Variants in PLEKHB2 observed in about 807,000 individuals in gnomAD.
PLEKHB2 encodes the protein pleckstrin homology domain containing B2.
Under a neutral mutation model 36.5 loss-of-function variants are expected in PLEKHB2, and 31 were observed. The ratio of observed to expected loss-of-function variants is 0.85; its 90% CI spans 0.64 to 1.15. The LOEUF (loss-of-function observed/expected upper bound fraction) is 1.15. PLEKHB2 is among the 50% of genes most tolerant of loss of function. The pLI is 0.00. For missense variants in PLEKHB2, 262 were observed against 295.3 expected (o/e 0.89, Z 0.83); for synonymous variants, 119 against 112.0 (o/e 1.06, Z -0.39).
At chr2:131,146,064 C>T (rs1227595203) in intron 7 of PLEKHB2, among the ~76,000 whole-genome samples, 1 of 151,874 alleles carries the variant, frequency 6.6e-6, no homozygotes, top group African/African-American at 2.4e-5. Context: ...CGCCTATAGT[C>T]CCAGTTACTC....
At chr2:131,129,549 G>C (rs375820844) in intron 4 of PLEKHB2, among the ~76,000 whole-genome samples, 1 of 152,098 alleles carries the variant, frequency 6.6e-6, no homozygotes, top group Non-Finnish European at 1.5e-5. Context: ...TTGTTGCCCA[G>C]GCTAGAGTGC....
chr2:131,108,782 T>C (rs1251165376), intron 1 of PLEKHB2, among the ~76,000 whole-genome samples: 1 of 152,254 alleles, frequency 6.6e-6, no homozygotes, highest in East Asian at 1.9e-4. Context: ...TAAGTAATAG[T>C]AATAATAGTA....
intron 1 of PLEKHB2, among the ~76,000 whole-genome samples, chr2:131,106,293 G>A (rs1694725006): frequency 1.3e-5 from 2 of 152,174 alleles, no homozygotes; most frequent in Non-Finnish European, 2.9e-5. Flanking sequence ...AATTTTTAGT[G>A]CTTAGGAAAG....
intron 1 of PLEKHB2, among the ~76,000 whole-genome samples, chr2:131,118,393 G>A (rs771454459): frequency 7.9e-5 from 12 of 152,142 alleles, no homozygotes; most frequent in African/African-American, 1.9e-4. Flanking sequence ...TGGAGATGCC[G>A]GAGTATGGGG....
intron 6 of PLEKHB2, among the ~76,000 whole-genome samples, chr2:131,134,842 C>T (rs1698069987): frequency 6.6e-6 from 1 of 152,090 alleles, no homozygotes; most frequent in South Asian, 2.1e-4. Context: ...GTTGAATCTT[C>T]CAGTTATAAA....
chr2:131,115,640 A>C (rs1390857276), intron 1 of PLEKHB2, among the ~76,000 whole-genome samples: 5 of 152,100 alleles, frequency 3.3e-5, no homozygotes, highest in South Asian at 2.1e-4. Context: ...GGCGTGAGCT[A>C]CTGCGCCCTC....
chr2:131,120,611 C>T (rs1435551320), intron 1 of PLEKHB2: 1 of 394,436 alleles, frequency 2.5e-6, no homozygotes, highest in Non-Finnish European at 4.8e-6. Flanking sequence ...CTCCAGCAAG[C>T]CACGAGAATC....
chr2:131,137,243 G>A (rs941490759), intron 6 of PLEKHB2, among the ~76,000 whole-genome samples: 8 of 152,160 alleles, frequency 5.3e-5, no homozygotes, highest in Non-Finnish European at 4.4e-5. Flanking sequence ...CACTGTGCCC[G>A]GCCTCTTTTT....
At chr2:131,117,774 A>G (rs1453886906) in intron 1 of PLEKHB2, among the ~76,000 whole-genome samples, 3 of 152,138 alleles carry the variant, frequency 2.0e-5, no homozygotes, top group Non-Finnish European at 4.4e-5. Flanking sequence ...GATACTGTCT[A>G]CAACATTCCT....
At chr2:131,107,684 C>T (rs936905030) in intron 1 of PLEKHB2, 4 of 152,118 alleles carry the variant, frequency 2.6e-5, no homozygotes, top group East Asian at 1.9e-4. Context: ...TTTTTTGAGA[C>T]GGAGTTTCAC....
chr2:131,140,299 C>T (rs762169805), intron 7 of PLEKHB2, 24 bp downstream of exon 7: 36 of 1,256,386 alleles, frequency 2.9e-5, no homozygotes, highest in Non-Finnish European at 3.8e-5. Flanking sequence ...GCCTTTCATT[C>T]CTCATTTCTC....
intron 1 of PLEKHB2, among the ~76,000 whole-genome samples, chr2:131,118,399 T>C (rs1403698808): frequency 6.6e-6 from 1 of 151,968 alleles, no homozygotes; most frequent in Non-Finnish European, 1.5e-5. Context: ...TGCCGGAGTA[T>C]GGGGTGACTG....
intron 1 of PLEKHB2, among the ~76,000 whole-genome samples, chr2:131,110,611 G>A (rs1028954616): frequency 2.0e-5 from 3 of 152,156 alleles, no homozygotes; most frequent in African/African-American, 4.8e-5. Context: ...GGGCTGAAGC[G>A]ATTCTCCCAC....
chr2:131,127,398 T>C (rs1697205367), intron 4 of PLEKHB2, among the ~76,000 whole-genome samples: 1 of 152,248 alleles, frequency 6.6e-6, no homozygotes, highest in South Asian at 2.1e-4. Flanking sequence ...AATTCTCTTT[T>C]CTTATAAAGG....
In PLEKHB2 at chr2:131,149,752, C is replaced by G. The variant is rs541733291; in HGVS notation, c.*2979C>G. The G allele has an allele frequency of 2.6e-5, 4 of 152,330 alleles. No individual in the cohort carries two copies. The highest frequency in any genetic ancestry group is 9.6e-5 in the African/African-American group (4 of 41,572). 9.4% of individuals were successfully genotyped at this position (152,330 alleles called of 1,614,324 possible). On this transcript the variant is annotated 3_prime_UTR_variant, in exon 8 of 8. Coordinates refer to ENST00000693505, the MANE Select transcript of PLEKHB2 (RefSeq NM_001100623.2). ...TTGCTTTCCCGTCTCTAGTAGTATT[C>G]TGTTGTGTCTAGAGAACTGATTTTT...
chr2:131,118,256 T>G (rs1696088799), intron 1 of PLEKHB2, among the ~76,000 whole-genome samples: 1 of 152,158 alleles, frequency 6.6e-6, no homozygotes, highest in South Asian at 2.1e-4. Context: ...GATTGTATGT[T>G]TGAGAACCTA....
In PLEKHB2 at chr2:131,147,259, G is replaced by A. The variant is rs1009461782; in HGVS notation, c.*486G>A. 6.6e-6 allele frequency: 1 copy of A among 152,328 alleles called. No individual in the cohort carries two copies. Among genetic ancestry groups the A allele is most frequent in the Non-Finnish European group, 1.5e-5 (1 of 68,126 alleles). The allele number at this position is 152,328 out of a possible 1,614,324, so 9.4% of individuals were successfully genotyped here. On this transcript the variant is annotated 3_prime_UTR_variant, in exon 8 of 8. Transcript: ENST00000693505. ...GTTGGTAAGCTCCCAGGTACTTCCC[G>A]AGGCTATGGTGTGAGAGCCCCCGTC...
chr2:131,138,190 A>G (rs914260378), intron 6 of PLEKHB2, among the ~76,000 whole-genome samples: 1 of 151,500 alleles, frequency 6.6e-6, no homozygotes, highest in African/African-American at 2.4e-5. Flanking sequence ...TAGTTCTGAA[A>G]TTTTTATTTG....
chr2:131,140,400 A>C (rs1698668971), intron 7 of PLEKHB2, 125 bp downstream of exon 7: 1 of 599,690 alleles, frequency 1.7e-6, no homozygotes, highest in Non-Finnish European at 3.0e-6. Flanking sequence ...TGTAGACTAC[A>C]AATCACTCTG....
Sources: gnomAD v4.1 joint callset for allele counts (sites outside exome capture counted in the v4.1 genomes callset) on GRCh38, gnomAD v4.1.1 for gene constraint, MANE v1.5 for transcripts, NCBI Gene and HGNC (gene_info 2026-07-23, HGNC 2026-07-21) for gene names.